Variants in CHRNA4 observed in about 807,000 individuals in gnomAD.
The protein encoded by CHRNA4 is neuronal acetylcholine receptor subunit alpha-4.
CHRNA4 carries 28 observed loss-of-function variants against 48.9 expected under a neutral mutation model. That is an observed-to-expected ratio of 0.57 (90% CI 0.42 to 0.79). The LOEUF (loss-of-function observed/expected upper bound fraction) is 0.79, where lower values mean the gene tolerates loss of function less well. CHRNA4 is among the 30% of genes least tolerant of loss of function. The pLI is 0.00. For synonymous variants in CHRNA4, 425 were observed against 402.3 expected, an observed-to-expected ratio of 1.06 and a Z score of -0.68; for missense variants, 859 against 898.4, an observed-to-expected ratio of 0.96 and a Z score of 0.56.
rs112825268 is a variant in CHRNA4, at chr20:63,347,610, C to T, written c.1759-747G>A. Among the ~76,000 whole-genome samples the T allele has an allele frequency of 3.4e-3, 517 of 152,318 alleles. 1 individual carries two copies. Among genetic ancestry groups the T allele is most frequent in the African/African-American group, 0.012 (488 of 41,556 alleles). ...AGGCCTGGAGTCGGGAAGCCACTCT[C>T]GAGACAGCCGCTGTGTGCAGCCCAA... On this transcript the variant is annotated intron_variant, in intron 5 of 5. Transcript: ENST00000370263.
At chr20:63,354,522 G>A (rs1008719385) in intron 4 of CHRNA4, 1 of 942,786 alleles carries the variant, frequency 1.1e-6, no homozygotes, top group Non-Finnish European at 1.3e-6. Context: ...GGTCCTGGGG[G>A]AGCTGTGAAC....
At position 63,359,907 on chromosome 20, in the gene CHRNA4, G is replaced by GTGTGTGTGTGCCGGGCGTGCGCTGTT. The variant is rs1555840823; in HGVS notation, c.77-209_77-208insAACAGCGCACGCCCGGCACACACACA. 2.8e-5 allele frequency: 12 copies of GTGTGTGTGTGCCGGGCGTGCGCTGTT among 432,648 alleles called. No individual in the cohort carries two copies. In the East Asian group the frequency reaches 4.2e-4, roughly 15 times the overall value. 26.8% of individuals were successfully genotyped at this position (432,648 alleles called of 1,614,324 possible). ...TGTGCCGGGCGTGTGCTGTGTGTGT[G>GTGTGTGTGTGCCGGGCGTGCGCTGTT]TGTGTGTGTGTGTGTGTGTGTGCCG... On this transcript the variant is annotated intron_variant, in intron 1 of 5. Transcript: ENST00000370263.
rs749506890 is a variant in CHRNA4 at position 63,349,971 on chromosome 20, G to A, written c.1440C>T (p.Gly480=). 5.3e-5 allele frequency: 82 copies of A among 1,556,172 alleles called. No homozygotes were observed. The highest frequency in any genetic ancestry group is 1.7e-4 in the Admixed American group (9 of 52,528). The change falls in exon 5 of 6, where the codon GGC becomes GGT. Residue 480 remains glycine, a synonymous_variant. Coordinates refer to ENST00000370263, the MANE Select transcript of CHRNA4 (RefSeq NM_000744.7). ...HMSSPGEAVE[G]GVRCRSRSIQ... Reference sequence around the variant, plus strand: ...TGCTCCGAGACCGGCACCGGACGCCGCCTTCCACCGCTTCGCCAGGGCTGG... The same window carrying A: ...TGCTCCGAGACCGGCACCGGACGCCACCTTCCACCGCTTCGCCAGGGCTGG...
At chr20:63,355,201 G>A (rs2068699000) in intron 4 of CHRNA4, among the ~76,000 whole-genome samples, 1 of 152,224 alleles carries the variant, frequency 6.6e-6, no homozygotes, top group Non-Finnish European at 1.5e-5. Context: ...TGGCTGCCGG[G>A]CGCAGGGCCC....
chr20:63,361,106 C>G lies in CHRNA4; in HGVS notation c.60G>C (p.Gly20=). 6.8e-7 allele frequency: 1 copy of G among 1,474,758 alleles called. No homozygotes were observed. The highest frequency in any genetic ancestry group is 1.3e-5 in the South Asian group (1 of 77,730). The allele number at this position is 1,474,758 out of a possible 1,614,324, so 91.4% of individuals were successfully genotyped here. A position where few individuals can be genotyped will look rare whatever the true frequency, so the allele number is the denominator to read the frequency against. Residue 20 remains glycine (G), a synonymous_variant, in exon 1 of 6, where the codon GGG becomes GGC. Transcript: ENST00000370263. ...GTAACTTACCGCGCAGGAGGCCGGT[C>G]CCCAGAAGCAGCAGCAGCGGCGGCA... ...RLLPPLLLLL[G]TGLLRASSHV... is the part of the protein sequence containing the mutation.
rs1159384211 is a variant in CHRNA4, at chr20:63,345,051, G to C, written c.*1687C>G. ...AGCAGCAGTTCAGAGGCAGGTGTGG[G>C]CAATGTGGGCCTGAGTCTCCTCCCC... On this transcript the variant is annotated 3_prime_UTR_variant, in exon 6 of 6. Transcript: ENST00000370263. The surrounding 1 kb of genome is among the most constrained non-coding windows in gnomAD (Gnocchi z 5.4). The C allele has an allele frequency of 2.2e-6, 1 of 453,782 alleles. No homozygotes were observed. The highest frequency in any genetic ancestry group is 1.6e-5 in the South Asian group (1 of 64,454). 28.1% of individuals were successfully genotyped at this position (453,782 alleles called of 1,614,324 possible).
intron 2 of CHRNA4, among the ~76,000 whole-genome samples, chr20:63,357,026 C>T (rs2068729262): frequency 7.0e-6 from 1 of 143,566 alleles, no homozygotes; most frequent in Admixed American, 6.8e-5. Flanking sequence ...CCCCACAGAA[C>T]CACGTCCCCA....
chr20:63,348,852 G>T (rs1215118845), intron 5 of CHRNA4, among the ~76,000 whole-genome samples: 3 of 152,018 alleles, frequency 2.0e-5, no homozygotes, highest in African/African-American at 7.3e-5. Flanking sequence ...GCTACCTGGT[G>T]CTGGGGTCAG....
At chr20:63,358,030 C>T (rs2068745250) in intron 2 of CHRNA4, among the ~76,000 whole-genome samples, 1 of 152,166 alleles carries the variant, frequency 6.6e-6, no homozygotes, top group Admixed American at 6.5e-5. Context: ...CAGCGGCCGC[C>T]TCTGCCAGCT....
intron 5 of CHRNA4, among the ~76,000 whole-genome samples, chr20:63,347,376 A>G (rs2068512889): frequency 6.6e-6 from 1 of 152,188 alleles, no homozygotes; most frequent in African/African-American, 2.4e-5. Flanking sequence ...CGCCATCTGC[A>G]GTCTCTCACT....
At chr20:63,348,173 C>T (rs1363416491) in intron 5 of CHRNA4, among the ~76,000 whole-genome samples, 2 of 152,244 alleles carry the variant, frequency 1.3e-5, no homozygotes, top group African/African-American at 4.8e-5. Flanking sequence ...GCAGCGGCAG[C>T]AATCGGCCCG....
rs910568899 is a variant in CHRNA4, at chr20:63,343,994, G to A, written c.*2744C>T. The A allele has an allele frequency of 4.4e-6, 2 of 453,990 alleles. No individual in the cohort carries two copies. Among genetic ancestry groups the A allele is most frequent in the Non-Finnish European group, 4.4e-6 (1 of 226,806 alleles). The allele number at this position is 453,990 out of a possible 1,614,324, so 28.1% of individuals were successfully genotyped here. ...GATGCAGAAAATAAACATGCATAACGGATAGAGTGCCATGCACACACCGGC... is the reference window on the plus strand; with the variant it reads ...GATGCAGAAAATAAACATGCATAACAGATAGAGTGCCATGCACACACCGGC... On this transcript the variant is annotated 3_prime_UTR_variant, in exon 6 of 6. Transcript: ENST00000370263.
intron 4 of CHRNA4, among the ~76,000 whole-genome samples, chr20:63,353,755 G>GA (rs2068659554): frequency 1.5e-5 from 1 of 67,234 alleles, no homozygotes; most frequent in Non-Finnish European, 3.2e-5. Flanking sequence ...TGGTCCTGGG[G>GA]GGCTGTAGTC....
At chr20:63,354,757 G>T in intron 4 of CHRNA4, 1 of 520,352 alleles carries the variant, frequency 1.9e-6, no homozygotes, top group Non-Finnish European at 2.5e-6. Context: ...ACTTCTCCCT[G>T]AAATGTGTCC....
At chr20:63,348,665 G>C (rs772896063) in intron 5 of CHRNA4, among the ~76,000 whole-genome samples, 4 of 152,204 alleles carry the variant, frequency 2.6e-5, no homozygotes, top group Non-Finnish European at 5.9e-5. Context: ...GCAGGTGGAT[G>C]GACAGGACAG....
Position 63,346,881 on chromosome 20 carries a change from G to A in CHRNA4, c.1759-18C>T, listed in dbSNP as rs368125570. 1.1e-5 allele frequency: 18 copies of A among 1,611,946 alleles called. No individual in the cohort carries two copies. The highest frequency in any genetic ancestry group is 1.1e-4 in the East Asian group (5 of 44,876). On this transcript the variant is annotated intron_variant, in intron 5 of 5. Transcript: ENST00000370263. ...TCCTTCACCTGCAAGCACAGACGCCGTCACTCCAGCACGGCCCGGCCGCCG... is the reference window on the plus strand; with the variant it reads ...TCCTTCACCTGCAAGCACAGACGCCATCACTCCAGCACGGCCCGGCCGCCG...
At chr20:63,359,099 C>A (rs1419327467) in intron 2 of CHRNA4, among the ~76,000 whole-genome samples, 1 of 152,208 alleles carries the variant, frequency 6.6e-6, no homozygotes, top group African/African-American at 2.4e-5. Flanking sequence ...ACCCCACATT[C>A]CAGATCTGTG....
intron 1 of CHRNA4, 29 bp from the exon 2 acceptor site, chr20:63,359,728 G>C (rs754155698): frequency 6.2e-7 from 1 of 1,607,436 alleles, no homozygotes; most frequent in Non-Finnish European, 8.5e-7. Flanking sequence ...CAGTGGCTCA[G>C]GTGCAGGCGG....
rs1568811664 is a variant in CHRNA4 at position 63,351,183 on chromosome 20, ATGTCC to A, written c.384-161_384-157del. 1.6e-4 allele frequency: 74 copies of A among 472,390 alleles called. 7 individuals carry two copies. The highest frequency in any genetic ancestry group is 3.4e-4 in the African/African-American group (7 of 20,360). 29.3% of individuals were successfully genotyped at this position (472,390 alleles called of 1,614,324 possible). On this transcript the variant is annotated intron_variant, in intron 4 of 5. Coordinates refer to ENST00000370263, the MANE Select transcript of CHRNA4 (RefSeq NM_000744.7). Reference sequence around the variant, plus strand: ...CACATCCACGTCCACGCCCACATCCATGTCCCACGCCCACATCCACACCCACGTCC... The same window carrying A: ...CACATCCACGTCCACGCCCACATCCACACGCCCACATCCACACCCACGTCC...
Sources: gnomAD v4.1 joint callset for allele counts (sites outside exome capture counted in the v4.1 genomes callset) on GRCh38, gnomAD v4.1.1 for gene constraint, Gnocchi (gnomAD v3.1) non-coding constraint, MANE v1.5 for transcripts, NCBI Gene and HGNC (gene_info 2026-07-23, HGNC 2026-07-21) for gene names.